The following MRTFA variants were observed in gnomAD, a reference collection of about 807,000 sequenced individuals.
MRTFA encodes myocardin related transcription factor A.
MRTFA carries 20 observed loss-of-function variants against 83.5 expected under a neutral mutation model. That is an observed-to-expected ratio of 0.24 (90% CI 0.17 to 0.35). The LOEUF is 0.35. MRTFA is among the 10% of genes least tolerant of loss of function. The pLI is 1.00. For synonymous variants in MRTFA, 659 were observed against 541.2 expected (o/e 1.22, Z -3.02); for missense variants, 1,200 against 1,224.7 (o/e 0.98, Z 0.30).
At chr22:40,545,584 C>T (rs1332995363) in intron 3 of MRTFA, among the ~76,000 whole-genome samples, 3 of 152,072 alleles carry the variant, frequency 2.0e-5, no homozygotes, top group Non-Finnish European at 4.4e-5. Context: ...AGGCGCCTGC[C>T]ACCACGCCCG....
intron 2 of MRTFA, among the ~76,000 whole-genome samples, chr22:40,561,902 C>T (rs540560050): frequency 1.2e-3 from 176 of 152,222 alleles, no homozygotes; most frequent in African/African-American, 2.3e-3. Flanking sequence ...GGACTGGCAG[C>T]TTCTACTTTG....
At chr22:40,547,425 G>A (rs1273225057) in intron 3 of MRTFA, among the ~76,000 whole-genome samples, 4 of 152,236 alleles carry the variant, frequency 2.6e-5, no homozygotes, top group Non-Finnish European at 2.9e-5. Context: ...CCTCCCTGAG[G>A]AAATGACATT....
chr22:40,470,277 A>G (rs1289920710), intron 3 of MRTFA, among the ~76,000 whole-genome samples: 8 of 116,448 alleles, frequency 6.9e-5, no homozygotes, highest in African/African-American at 9.8e-5. Flanking sequence ...ATATATATAT[A>G]TATAAAGAAA....
intron 1 of MRTFA, among the ~76,000 whole-genome samples, chr22:40,627,026 T>C (rs1205049051): frequency 6.6e-6 from 1 of 151,760 alleles, no homozygotes; most frequent in Admixed American, 6.6e-5. Flanking sequence ...AGAGAAAATA[T>C]GTACAAATTA....
chr22:40,592,053 G>C (rs992373122), intron 2 of MRTFA, among the ~76,000 whole-genome samples: 1 of 152,070 alleles, frequency 6.6e-6, no homozygotes, highest in Non-Finnish European at 1.5e-5. Flanking sequence ...ATGACTGAAA[G>C]ACATAGAGAT....
intron 1 of MRTFA, among the ~76,000 whole-genome samples, chr22:40,611,536 C>T (rs1372972066): frequency 3.9e-5 from 6 of 152,116 alleles, no homozygotes; most frequent in African/African-American, 9.7e-5. Context: ...TGAGCCACTG[C>T]GCCCTGCCCA....
chr22:40,475,614 T>C (rs545920580), intron 3 of MRTFA, among the ~76,000 whole-genome samples: 1 of 152,230 alleles, frequency 6.6e-6, no homozygotes, highest in Non-Finnish European at 1.5e-5. Context: ...CTAGCACACA[T>C]GCCAAGAGTG....
At chr22:40,600,120 A>G (rs924277694) in intron 1 of MRTFA, among the ~76,000 whole-genome samples, 3 of 152,052 alleles carry the variant, frequency 2.0e-5, no homozygotes, top group African/African-American at 7.2e-5. Context: ...ATATTGTTAC[A>G]TATCTCCTCA....
rs114275568 is a variant in MRTFA at position 40,415,914 on chromosome 22, G to A, written c.2578+1072C>T. Among the ~76,000 whole-genome samples, 719 of 152,074 alleles carry A rather than the reference G, an allele frequency of 4.7e-3. 6 individuals are homozygous for A. Among genetic ancestry groups the A allele is most frequent in the African/African-American group, 0.017 (694 of 41,466 alleles). On this transcript the variant is annotated intron_variant, in intron 14 of 14. Coordinates refer to ENST00000355630, the MANE Select transcript of MRTFA (RefSeq NM_020831.6). ...ACTACTTGTCCTCCCGACCCCCAAGGCTGGGCTTAGCCCCAACCTCTGCTC... is the reference window on the plus strand; with the variant it reads ...ACTACTTGTCCTCCCGACCCCCAAGACTGGGCTTAGCCCCAACCTCTGCTC...
chr22:40,480,915 G>C (rs569210852), intron 3 of MRTFA, among the ~76,000 whole-genome samples: 1 of 151,958 alleles, frequency 6.6e-6, no homozygotes, highest in African/African-American at 2.4e-5. Flanking sequence ...TGCCCGGCCA[G>C]AGTTCAAGAC....
chr22:40,587,692 T>C (rs1238165514), intron 2 of MRTFA: 3 of 331,936 alleles, frequency 9.0e-6, no homozygotes, highest in African/African-American at 4.4e-5. Context: ...TTTTGGTTGG[T>C]GCAAACATGT....
At chr22:40,629,708 G>C (rs1052031921) in intron 1 of MRTFA, among the ~76,000 whole-genome samples, 1 of 149,492 alleles carries the variant, frequency 6.7e-6, no homozygotes, top group Non-Finnish European at 1.5e-5. Context: ...CCCAGGATGC[G>C]GAGCTTGCAG....
intron 1 of MRTFA, among the ~76,000 whole-genome samples, chr22:40,605,409 G>A (rs539927348): frequency 2.0e-5 from 3 of 152,304 alleles, no homozygotes; most frequent in African/African-American, 7.2e-5. Flanking sequence ...GAAGACCAAC[G>A]GATGACAGTG....
chr22:40,474,079 A>G (rs1171442012), intron 3 of MRTFA, among the ~76,000 whole-genome samples: 1 of 152,220 alleles, frequency 6.6e-6, no homozygotes, highest in Non-Finnish European at 1.5e-5. Flanking sequence ...AGGTTGGCAC[A>G]AAAGTAATTG....
chr22:40,521,322 T>A (rs2054861949), intron 3 of MRTFA, among the ~76,000 whole-genome samples: 1 of 152,170 alleles, frequency 6.6e-6, no homozygotes, highest in African/African-American at 2.4e-5. Context: ...ATATCTATAA[T>A]TTTGTCATTT....
intron 3 of MRTFA, among the ~76,000 whole-genome samples, chr22:40,485,147 A>G (rs2054154769): frequency 6.6e-6 from 1 of 152,168 alleles, no homozygotes; most frequent in African/African-American, 2.4e-5. Context: ...ATTTTCTAGC[A>G]TAATTCTGAG....
chr22:40,597,771 C>CA (rs1480553310), intron 1 of MRTFA, among the ~76,000 whole-genome samples: 1 of 152,212 alleles, frequency 6.6e-6, no homozygotes, highest in African/African-American at 2.4e-5. Context: ...CACTGAAAAT[C>CA]AGTCACCCAA....
chr22:40,558,842 G>A lies in MRTFA; in HGVS notation c.-21-6475C>T, dbSNP rs377340999. Among the ~76,000 whole-genome samples, 6 of 150,900 alleles carry A rather than the reference G, an allele frequency of 4.0e-5. No homozygotes were observed. The East Asian group carries it at 1.2e-3, about 30-fold the overall frequency. On this transcript the variant is annotated intron_variant, in intron 2 of 14. Transcript: ENST00000355630. The stretch of plus-strand genomic sequence containing the variant: ...GTCTCGCTCCACCACCCAGGCTGCA[G>A]TGGCACGATCTTGGCTCACTGCAAC...
At chr22:40,545,089 T>C (rs1269203852) in intron 3 of MRTFA, among the ~76,000 whole-genome samples, 1 of 152,016 alleles carries the variant, frequency 6.6e-6, no homozygotes, top group Non-Finnish European at 1.5e-5. Flanking sequence ...CTTTCCATTA[T>C]GATATACTGA....
Sources: allele counts gnomAD v4.1 joint callset (sites outside exome capture counted in the v4.1 genomes callset), GRCh38; gene constraint gnomAD v4.1.1; transcripts MANE v1.5; gene names NCBI Gene and HGNC (gene_info 2026-07-23, HGNC 2026-07-21).